The following SPPL3 variants were observed in gnomAD, a reference collection of about 807,000 sequenced individuals.
SPPL3 encodes the protein signal peptide peptidase-like 3.
In SPPL3, 5 loss-of-function variants were observed where a neutral mutation model predicts 42.4. That is an observed-to-expected ratio of 0.12 (90% confidence interval 0.06 to 0.25). SPPL3 has a LOEUF of 0.25. Among genes scored for constraint, SPPL3 ranks in the 10% least tolerant of loss-of-function variants. The pLI is 1.00. For synonymous variants in SPPL3, 195 were observed against 181.8 expected (o/e 1.07, Z -0.58); for missense variants, 235 against 489.0 (o/e 0.48, Z 4.90).
intron 1 of SPPL3, among the ~76,000 whole-genome samples, chr12:120,849,901 C>G (rs973241485): frequency 6.6e-6 from 1 of 152,104 alleles, no homozygotes; most frequent in African/African-American, 2.4e-5. Context: ...ACTGGAAAAT[C>G]TGGGATTGAC....
At chr12:120,868,219 G>T (rs1048492504) in intron 1 of SPPL3, among the ~76,000 whole-genome samples, 4 of 151,578 alleles carry the variant, frequency 2.6e-5, no homozygotes, top group Non-Finnish European at 5.9e-5. Context: ...TCATGCCACT[G>T]CACTCCAGCC....
chr12:120,765,187 C>T, intron 10 of SPPL3, 117 bp from the exon 11 acceptor site: 2 of 889,704 alleles, frequency 2.2e-6, no homozygotes, highest in Non-Finnish European at 3.3e-6. Context: ...ATATATTGGC[C>T]AGGCTGGTCT....
chr12:120,871,950 T>C (rs1389168081), intron 1 of SPPL3, among the ~76,000 whole-genome samples: 3 of 152,234 alleles, frequency 2.0e-5, no homozygotes, highest in Non-Finnish European at 2.9e-5. Context: ...TTTGGAATAT[T>C]TGCATTACAT....
Position 120,876,909 on chromosome 12 carries a change from C to T in SPPL3, c.23+26936G>A, listed in dbSNP as rs1317207260. ...CAGACATCAAAAAAATGGAAAAACA[C>T]TAGAGAAAAAGCAATGAAACTAAAA... On this transcript the variant is annotated intron_variant, in intron 1 of 10. Coordinates refer to ENST00000353487, the MANE Select transcript of SPPL3 (RefSeq NM_139015.5). 2.0e-5 allele frequency among the ~76,000 whole-genome samples: 3 copies of T among 150,292 alleles called. No homozygotes were observed. The East Asian group carries it at 5.8e-4, about 29-fold the overall frequency.
At chr12:120,810,401 A>C (rs1246117891) in intron 2 of SPPL3, among the ~76,000 whole-genome samples, 2 of 152,150 alleles carry the variant, frequency 1.3e-5, no homozygotes, top group Non-Finnish European at 2.9e-5. Context: ...AAAAAATGAA[A>C]TGTTCTCTTT....
chr12:120,888,771 C>G (rs1463949401), intron 1 of SPPL3, among the ~76,000 whole-genome samples: 1 of 152,116 alleles, frequency 6.6e-6, no homozygotes, highest in Non-Finnish European at 1.5e-5. Context: ...CTTAATTGTA[C>G]ACTTTAAATG....
In SPPL3 at chr12:120,791,489, T is replaced by C. The variant is rs771039056; in HGVS notation, c.170A>G (p.Asn57Ser). The change falls in exon 3 of 11, where the codon AAT (asparagine) becomes AGT (serine). Residue 57 changes from asparagine to serine, a missense_variant. Transcript: ENST00000353487. ...CTTACTATTATTGGTGCTGTTGCCA[T>C]TGAAAGACCCAGAAGAACTATTACT... Reference protein sequence around the residue: ...KDSNSSSGSFNGNSTNNSIQT... With the variant: ...KDSNSSSGSFSGNSTNNSIQT... The C allele has an allele frequency of 5.6e-6, 9 of 1,607,040 alleles. No homozygotes were observed. Among genetic ancestry groups the C allele is most frequent in the African/African-American group, 5.4e-5 (4 of 74,680 alleles).
chr12:120,768,850 T>A, intron 7 of SPPL3, 103 bp downstream of exon 7: 1 of 978,410 alleles, frequency 1.0e-6, no homozygotes, highest in Non-Finnish European at 1.5e-6. Context: ...GATCAGCAGC[T>A]GGGCAAGCCC....
chr12:120,895,427 C>CAAA (rs11445980), intron 1 of SPPL3, among the ~76,000 whole-genome samples: 1 of 135,554 alleles, frequency 7.4e-6, no homozygotes, highest in African/African-American at 2.8e-5. Context: ...AACTCCATCT[C>CAAA]AAAAAAAAAA....
chr12:120,771,926 G>A (rs551739812), intron 6 of SPPL3, among the ~76,000 whole-genome samples: 1 of 152,278 alleles, frequency 6.6e-6, no homozygotes, highest in Admixed American at 6.5e-5. Context: ...TCCTGCCCCC[G>A]GCTCCTTCAT....
At position 120,880,205 on chromosome 12, in the gene SPPL3, A is replaced by G. The variant is rs1481566948; in HGVS notation, c.23+23640T>C. Among the ~76,000 whole-genome samples, 6 of 152,070 alleles carry G rather than the reference A, an allele frequency of 3.9e-5. No homozygotes were observed. The East Asian group carries it at 1.2e-3, about 29-fold the overall frequency. On this transcript the variant is annotated intron_variant, in intron 1 of 10. Coordinates refer to ENST00000353487, the MANE Select transcript of SPPL3 (RefSeq NM_139015.5). Reference sequence around the variant, plus strand: ...CGAATCTCAGCGTATATGGTACACTACTATCCTATTAAAAATGAATTACAC... The same window carrying G: ...CGAATCTCAGCGTATATGGTACACTGCTATCCTATTAAAAATGAATTACAC...
At chr12:120,875,089 C>G (rs144582296) in intron 1 of SPPL3, among the ~76,000 whole-genome samples, 1 of 152,108 alleles carries the variant, frequency 6.6e-6, no homozygotes, top group African/African-American at 2.4e-5. Context: ...ATACTCCCAG[C>G]CCCCAGCTTT....
At chr12:120,794,086 C>T (rs1183261390) in intron 2 of SPPL3, among the ~76,000 whole-genome samples, 1 of 152,132 alleles carries the variant, frequency 6.6e-6, no homozygotes, top group Non-Finnish European at 1.5e-5. Flanking sequence ...TTATTAGATA[C>T]ATAAACATTT....
chr12:120,789,897 A>G (rs902232674), intron 3 of SPPL3, among the ~76,000 whole-genome samples: 3 of 150,964 alleles, frequency 2.0e-5, no homozygotes, highest in Non-Finnish European at 4.4e-5. Context: ...GGACTGGCAC[A>G]ACCATTTCTT....
At position 120,768,819 on chromosome 12, in the gene SPPL3, G is replaced by C. The variant is rs943608693; in HGVS notation, c.609+134C>G. The C allele has an allele frequency of 3.2e-5, 24 of 751,562 alleles. No individual in the cohort carries two copies. In the African/African-American group the frequency reaches 4.0e-4, roughly 13 times the overall value. 46.6% of individuals were successfully genotyped at this position (751,562 alleles called of 1,614,324 possible). A position where few individuals can be genotyped will look rare whatever the true frequency, so the allele number is the denominator to read the frequency against. ...GATCGGACTGCACACCCATGATACA[G>C]TTAAGGACTGGAGAGAGAGTGATCA... On this transcript the variant is annotated intron_variant, in intron 7 of 10. Coordinates refer to ENST00000353487, the MANE Select transcript of SPPL3 (RefSeq NM_139015.5).
intron 1 of SPPL3, chr12:120,845,531 C>T: frequency 2.2e-6 from 1 of 458,074 alleles, no homozygotes; most frequent in South Asian, 2.3e-5. Flanking sequence ...TGGTCACCAT[C>T]TCCCCCAGCT....
chr12:120,809,891 A>G (rs1307096440), intron 2 of SPPL3, among the ~76,000 whole-genome samples: 3 of 152,232 alleles, frequency 2.0e-5, no homozygotes, highest in Non-Finnish European at 4.4e-5. Flanking sequence ...TTGGATGTCA[A>G]GCCTTTGGAT....
intron 1 of SPPL3, among the ~76,000 whole-genome samples, chr12:120,827,569 G>A (rs1442292109): frequency 1.3e-5 from 2 of 152,024 alleles, no homozygotes; most frequent in Non-Finnish European, 2.9e-5. Flanking sequence ...ACAGCTTCAA[G>A]GAAGAAGAAC....
At chr12:120,876,016 A>ACCCCCCCC (rs36042995) in intron 1 of SPPL3, among the ~76,000 whole-genome samples, 5 of 144,020 alleles carry the variant, frequency 3.5e-5, no homozygotes, top group Non-Finnish European at 7.7e-5. Context: ...AAACAAACAG[A>ACCCCCCCC]CCCCCCCCAC....
Sources: gnomAD v4.1 joint callset for allele counts (sites outside exome capture counted in the v4.1 genomes callset) on GRCh38, gnomAD v4.1.1 for gene constraint, MANE v1.5 for transcripts, NCBI Gene and HGNC (gene_info 2026-07-23, HGNC 2026-07-21) for gene names.